SLC12A7: variants seen among roughly 807,000 people sequenced by gnomAD.
SLC12A7 encodes the protein solute carrier family 12 member 7.
SLC12A7 carries 100 observed loss-of-function variants against 120.6 expected under a neutral mutation model. The observed-to-expected ratio is 0.83, with a 90% CI of 0.71 to 0.98. The LOEUF is 0.98. Ranked by LOEUF, SLC12A7 falls within the 50% of genes least tolerant of loss-of-function variation. SLC12A7 has a pLI of 0.00. For missense variants in SLC12A7, 1,373 were observed against 1,548.1 expected (o/e 0.89, Z 1.90); for synonymous variants, 760 against 678.0 (o/e 1.12, Z -1.88).
In SLC12A7 at chr5:1,103,806, G is replaced by A. The variant is rs927965086; in HGVS notation, c.124+8062C>T. ...CCATCTAAAGGACACGCCTGCTCGCGGGAAGGTGGCCTCGGGTGAACTCAC... is the reference window on the plus strand; with the variant it reads ...CCATCTAAAGGACACGCCTGCTCGCAGGAAGGTGGCCTCGGGTGAACTCAC... On this transcript the variant is annotated intron_variant, in intron 1 of 23. Coordinates refer to ENST00000264930, the MANE Select transcript of SLC12A7 (RefSeq NM_006598.3). 5.3e-5 allele frequency among the ~76,000 whole-genome samples: 8 copies of A among 152,374 alleles called. 1 individual carries two copies. Among genetic ancestry groups the A allele is most frequent in the Admixed American group, 3.3e-4 (5 of 15,308 alleles).
At chr5:1,095,974 T>C (rs1177994494) in intron 1 of SLC12A7, among the ~76,000 whole-genome samples, 1 of 151,686 alleles carries the variant, frequency 6.6e-6, no homozygotes, top group Non-Finnish European at 1.5e-5. Context: ...GCCCCACCCC[T>C]CAAAAACGTC....
intron 5 of SLC12A7, among the ~76,000 whole-genome samples, chr5:1,087,756 C>T (rs1004507553): frequency 6.6e-6 from 1 of 152,250 alleles, no homozygotes; most frequent in African/African-American, 2.4e-5. Context: ...GCAGACGTGG[C>T]AGCGTCTCCG....
the SLC12A7 span, among the ~76,000 whole-genome samples, chr5:1,141,828 T>A: frequency 6.6e-6 from 1 of 152,058 alleles, no homozygotes; most frequent in Admixed American, 6.5e-5. Flanking sequence ...CCGGGACAGA[T>A]CAACAGATGA....
chr5:1,073,594 T>A, intron 17 of SLC12A7, 39 bp downstream of exon 17: 1 of 1,568,414 alleles, frequency 6.4e-7, no homozygotes, highest in Non-Finnish European at 8.6e-7. Context: ...GCAGCTGGGG[T>A]GGGAAAGAGG....
At chr5:1,118,353 G>T in the SLC12A7 span, among the ~76,000 whole-genome samples, 1 of 152,246 alleles carries the variant, frequency 6.6e-6, no homozygotes, top group Non-Finnish European at 1.5e-5. Context: ...GAGTCCATGG[G>T]CCTCAGCCCC....
At chr5:1,076,382 A>T (rs1738338469) in intron 13 of SLC12A7, 146 bp from the exon 14 acceptor site, 4 of 306,688 alleles carry the variant, frequency 1.3e-5, no homozygotes, top group Non-Finnish European at 1.5e-5. Context: ...GCTGACTCAG[A>T]CTGATTCCGA....
intron 1 of SLC12A7, among the ~76,000 whole-genome samples, chr5:1,102,009 T>A (rs545530661): frequency 7.2e-5 from 11 of 152,254 alleles, no homozygotes; most frequent in African/African-American, 2.6e-4. Context: ...TCACTCTAGG[T>A]TAGTTTTCCA....
the SLC12A7 span, among the ~76,000 whole-genome samples, chr5:1,128,810 G>C: frequency 6.6e-6 from 1 of 152,232 alleles, no homozygotes; most frequent in African/African-American, 2.4e-5. Flanking sequence ...ACGGCTTCCA[G>C]CCTTTTCCTA....
chr5:1,065,174 GA>G lies in SLC12A7; in HGVS notation c.2437+108del, dbSNP rs1216723283. 1,635 of 785,256 alleles carry G rather than the reference GA, an allele frequency of 2.1e-3. 52 individuals carry two copies. The African/African-American group carries it at 0.026, about 13-fold the overall frequency. The allele number at this position is 785,256 out of a possible 1,614,324, so 48.6% of individuals were successfully genotyped here. Reference sequence around the variant, plus strand: ...AGTGGGGACGAAAAGGGGACAGTGAGAGGACAGCGAGGGGACACTGAGGAGA... The same window carrying G: ...AGTGGGGACGAAAAGGGGACAGTGAGGGACAGCGAGGGGACACTGAGGAGA... On this transcript the variant is annotated intron_variant, in intron 18 of 23. Transcript: ENST00000264930.
At chr5:1,092,719 C>T (rs1056211249) in intron 3 of SLC12A7, among the ~76,000 whole-genome samples, 2 of 151,992 alleles carry the variant, frequency 1.3e-5, no homozygotes, top group Admixed American at 6.6e-5. Context: ...TGGTTTCTTC[C>T]GGTGGATTAT....
At chr5:1,086,812 G>T in intron 6 of SLC12A7, 91 bp downstream of exon 6, 1 of 1,521,866 alleles carries the variant, frequency 6.6e-7, no homozygotes, top group Non-Finnish European at 9.0e-7. Context: ...GGCTCAGTGT[G>T]CTGTGTGTGC....
chr5:1,086,647 A>C (rs938361687), intron 6 of SLC12A7, among the ~76,000 whole-genome samples: 1 of 152,200 alleles, frequency 6.6e-6, no homozygotes, highest in African/African-American at 2.4e-5. Flanking sequence ...TACAGTCCAG[A>C]TGTCTACCCA....
the SLC12A7 span, among the ~76,000 whole-genome samples, chr5:1,151,037 G>A: frequency 6.6e-6 from 1 of 152,218 alleles, no homozygotes; most frequent in Admixed American, 6.5e-5. The surrounding 1 kb of genome is among the most constrained non-coding windows in gnomAD (Gnocchi z 6.2). Flanking sequence ...TGGGGAGGGC[G>A]GCCTTGGGAG....
the SLC12A7 span, among the ~76,000 whole-genome samples, chr5:1,141,432 T>TGCCACGGGCACCAGAGCC: frequency 3.3e-5 from 5 of 152,120 alleles, no homozygotes; most frequent in East Asian, 1.9e-4. Context: ...CCGTCCCTGC[T>TGCCACGGGCACCAGAGCC]GCCACGGGCA....
At chr5:1,079,548 T>A (rs1738770107) in intron 9 of SLC12A7, 52 bp from the exon 10 acceptor site, 14 of 1,413,796 alleles carry the variant, frequency 9.9e-6, no homozygotes, top group Non-Finnish European at 1.2e-5. Context: ...CAGTGCCATG[T>A]GATGGCAGCC....
Position 1,065,325 on chromosome 5 carries a change from A to G in SLC12A7, c.2395T>C (p.Trp799Arg), listed in dbSNP as rs1031771228. ...NTVLMAWPASWKQEDNPFSWK... is the reference protein window; with the variant it reads ...NTVLMAWPASRKQEDNPFSWK... ...GAGAAGGGGTTGTCCTCCTGCTTCC[A>G]GGATGCGGGCCAGGCCATGAGCACC... The change falls in exon 18 of 24, where the codon TGG (tryptophan) becomes CGG (arginine). Residue 799 changes from tryptophan (W) to arginine (R), a missense_variant. Coordinates refer to ENST00000264930, the MANE Select transcript of SLC12A7 (RefSeq NM_006598.3). 6.3e-7 allele frequency: 1 copy of G among 1,591,028 alleles called. No homozygotes were observed. The highest frequency in any genetic ancestry group is 8.6e-7 in the Non-Finnish European group (1 of 1,167,260).
chr5:1,142,073 G>A, the SLC12A7 span, among the ~76,000 whole-genome samples: 2 of 151,898 alleles, frequency 1.3e-5, no homozygotes, highest in Non-Finnish European at 2.9e-5. Flanking sequence ...GGGGCAGGTG[G>A]CGTCAGGGTG....
intron 1 of SLC12A7, among the ~76,000 whole-genome samples, chr5:1,109,540 C>T (rs1742832838): frequency 6.6e-6 from 1 of 152,242 alleles, no homozygotes; most frequent in South Asian, 2.1e-4. Context: ...CGCAGAGGCT[C>T]CACCAGAAGC....
In SLC12A7 at chr5:1,085,493, C is replaced by T. The variant is rs370424005; in HGVS notation, c.676-20G>A. 30 of 1,575,982 alleles carry T rather than the reference C, an allele frequency of 1.9e-5. No homozygotes were observed. The highest frequency in any genetic ancestry group is 1.6e-4 in the African/African-American group (12 of 74,298). On this transcript the variant is annotated intron_variant, in intron 6 of 23. Transcript: ENST00000264930. Reference sequence around the variant, plus strand: ...GTACGTCTGTGGGAACAAGGCCGGTCGGGAGGCCGTCCCCGGACACAACTC... The same window carrying T: ...GTACGTCTGTGGGAACAAGGCCGGTTGGGAGGCCGTCCCCGGACACAACTC...
Sources: gnomAD v4.1 joint callset for allele counts (sites outside exome capture counted in the v4.1 genomes callset) on GRCh38, gnomAD v4.1.1 for gene constraint, Gnocchi (gnomAD v3.1) non-coding constraint, MANE v1.5 for transcripts, NCBI Gene and HGNC (gene_info 2026-07-23, HGNC 2026-07-21) for gene names.